Variants in APOL2 observed in about 807,000 individuals in gnomAD.
APOL2 encodes apolipoprotein L2, also known as apolipoprotein L, 2.
APOL2 carries 8 observed loss-of-function variants against 7.1 expected under a neutral mutation model. The observed-to-expected ratio is 1.12, with a 90% confidence interval of 0.66 to 2.03. APOL2 has a LOEUF of 2.03. Among genes scored for constraint, APOL2 ranks in the 30% most tolerant of loss-of-function variants. The pLI is 0.00. For synonymous variants in APOL2, 177 were observed against 159.9 expected, an observed-to-expected ratio of 1.11 and a Z score of -0.81; for missense variants, 471 against 415.1, an observed-to-expected ratio of 1.13 and a Z score of -1.17.
chr22:36,227,342 GT>G lies in APOL2; in HGVS notation c.*61del. 1 of 728,332 alleles carries G rather than the reference GT, an allele frequency of 1.4e-6. No homozygotes were observed. The highest frequency in any genetic ancestry group is 2.0e-6 in the Non-Finnish European group (1 of 488,334). The allele number at this position is 728,332 out of a possible 1,614,324, so 45.1% of individuals were successfully genotyped here. A position where few individuals can be genotyped will look rare whatever the true frequency, so the allele number is the denominator to read the frequency against. Reference sequence around the variant, plus strand: ...AAAAAAAAAAAAAAAAAAAAAAAAAGTCTGCATTTTGTCCTGGCCTGTGCCC... The same window carrying G: ...AAAAAAAAAAAAAAAAAAAAAAAAAGCTGCATTTTGTCCTGGCCTGTGCCC... On this transcript the variant is annotated 3_prime_UTR_variant, in exon 5 of 5. Transcript: ENST00000358502.
intron 1 of APOL2, chr22:36,239,071 T>C: frequency 9.0e-7 from 1 of 1,109,156 alleles, no homozygotes; most frequent in Non-Finnish European, 1.1e-6. Context: ...CCAGGTCACC[T>C]CCCCTCCTCC....
At chr22:36,233,273 A>C in intron 2 of APOL2, 32 bp from the exon 3 acceptor site, 1 of 1,612,228 alleles carries the variant, frequency 6.2e-7, no homozygotes, top group Non-Finnish European at 8.5e-7. Flanking sequence ...TGTGGGATCG[A>C]AGGTGAGCCT....
At chr22:36,233,848 G>A (rs575852607) in intron 1 of APOL2, among the ~76,000 whole-genome samples, 4 of 152,200 alleles carry the variant, frequency 2.6e-5, no homozygotes, top group South Asian at 4.2e-4. Flanking sequence ...ATGTATACAC[G>A]CTCATGGTAA....
At chr22:36,235,904 C>T (rs892368235) in intron 1 of APOL2, among the ~76,000 whole-genome samples, 5 of 152,050 alleles carry the variant, frequency 3.3e-5, no homozygotes, top group Non-Finnish European at 7.4e-5. Context: ...CACAGTGGGA[C>T]ATGCAGTAGG....
intron 2 of APOL2, 71 bp from the exon 3 acceptor site, chr22:36,233,312 TG>T: frequency 6.3e-7 from 1 of 1,598,540 alleles, no homozygotes; most frequent in Non-Finnish European, 8.5e-7. Flanking sequence ...CTGGAGGGGC[TG>T]GGTCTTTGCA....
upstream of APOL2, chr22:36,239,670 T>G (rs1408523274): frequency 6.3e-6 from 4 of 637,908 alleles, no homozygotes; most frequent in Non-Finnish European, 1.1e-5. Context: ...CCAGCCTCCT[T>G]GCTGCTGCAC....
Position 36,227,598 on chromosome 22 carries a change from T to A in APOL2, c.820A>T (p.Ile274Phe). 6.2e-7 allele frequency: 1 copy of A among 1,614,254 alleles called. No homozygotes were observed. Among genetic ancestry groups the A allele is most frequent in the Non-Finnish European group, 8.5e-7 (1 of 1,180,050 alleles). Reference protein sequence around the residue: ...PAQAMSRGTMIVGAATGGILL... With the variant: ...PAQAMSRGTMFVGAATGGILL... ...ATGCCTCCAGTGGCTGCACCCACGA[T>A]CATGGTTCCTCTGCTCATTGCCTGG... The change falls in exon 5 of 5, where the codon ATC (isoleucine) becomes TTC (phenylalanine). Residue 274 changes from isoleucine (I) to phenylalanine (F), a missense_variant. By Grantham distance (21) the Ile-to-Phe change is conservative (BLOSUM62 0). Transcript: ENST00000358502.
Position 36,239,250 on chromosome 22 carries a change from C to A in APOL2, c.-134+191G>T. Reference sequence around the variant, plus strand: ...CCCACCTCTCTCTACAGTTTACCCGCCCAGCAGGAGGGAGGGAGCAATCAG... The same window carrying A: ...CCCACCTCTCTCTACAGTTTACCCGACCAGCAGGAGGGAGGGAGCAATCAG... On this transcript the variant is annotated intron_variant, in intron 1 of 4. Transcript: ENST00000358502. The A allele has an allele frequency of 2.7e-6, 3 of 1,106,680 alleles. No individual in the cohort carries two copies. The South Asian group carries it at 7.5e-5, about 28-fold the overall frequency. The allele number at this position is 1,106,680 out of a possible 1,614,324, so 68.6% of individuals were successfully genotyped here.
intron 1 of APOL2, chr22:36,239,073 C>G: frequency 8.9e-7 from 1 of 1,118,978 alleles, no homozygotes; most frequent in Non-Finnish European, 1.1e-6. Context: ...AGGTCACCTC[C>G]CCTCCTCCAC....
intron 3 of APOL2, among the ~76,000 whole-genome samples, chr22:36,232,455 G>A (rs1438789338): frequency 3.9e-5 from 6 of 152,222 alleles, no homozygotes; most frequent in African/African-American, 1.4e-4. Context: ...GGAGATAGAG[G>A]GGATGCAAAC....
Position 36,227,862 on chromosome 22 carries a change from G to A in APOL2, c.556C>T (p.Gln186Ter). 1 of 1,614,180 alleles carries A rather than the reference G, an allele frequency of 6.2e-7. No homozygotes were observed. Among genetic ancestry groups the A allele is most frequent in the Non-Finnish European group, 8.5e-7 (1 of 1,180,040 alleles). The change falls in exon 5 of 5, where the codon CAA (glutamine) becomes TAA (stop). Residue 186 changes from glutamine (Q) to a stop codon, truncating the protein, a stop_gained. Transcript: ENST00000358502. LOFTEE classifies it low-confidence loss of function (END_TRUNC). ...RARAQARNLD[Q>*]SGTNVAKVMK... The stretch of plus-strand genomic sequence containing the variant: ...ACCTTTGCTACATTGGTGCCGCTTT[G>A]GTCCAAGTTGCGGGCTTGGGCTCGT...
At position 36,239,455 on chromosome 22, in the gene APOL2, C is replaced by G. The variant is rs779552716; in HGVS notation, c.-148G>C. On this transcript the variant is annotated 5_prime_UTR_variant, in exon 1 of 5. Coordinates refer to ENST00000358502, the MANE Select transcript of APOL2 (RefSeq NM_030882.4). ...CCCCAACTTACCAAGGGATCTTCCT[C>G]TGACAGAGACTGAGCAAGATCCAAC... 2 of 1,529,484 alleles carry G rather than the reference C, an allele frequency of 1.3e-6. No individual in the cohort carries two copies. The highest frequency in any genetic ancestry group is 2.1e-5 in the African/African-American group (1 of 47,672). 94.7% of individuals were successfully genotyped at this position (1,529,484 alleles called of 1,614,324 possible). A position where few individuals can be genotyped will look rare whatever the true frequency, so the allele number is the denominator to read the frequency against.
chr22:36,230,525 G>T (rs1178004889), intron 4 of APOL2, among the ~76,000 whole-genome samples: 1 of 152,062 alleles, frequency 6.6e-6, no homozygotes, highest in Non-Finnish European at 1.5e-5. Context: ...CAGCCTTCCT[G>T]CTTGTCCTAC....
chr22:36,234,248 T>C (rs937502645), intron 1 of APOL2: 1 of 152,276 alleles, frequency 6.6e-6, no homozygotes, highest in Non-Finnish European at 1.5e-5. Context: ...AGAGCCACTC[T>C]GTATGAAAAC....
At chr22:36,230,263 T>C (rs1417969237) in intron 4 of APOL2, among the ~76,000 whole-genome samples, 1 of 152,138 alleles carries the variant, frequency 6.6e-6, no homozygotes, top group Non-Finnish European at 1.5e-5. Context: ...CACTAAGGCA[T>C]GCCATGGTAA....
At chr22:36,237,068 A>G (rs1317282534) in intron 1 of APOL2, 15 of 1,524,204 alleles carry the variant, frequency 9.8e-6, no homozygotes, top group East Asian at 2.5e-5. Flanking sequence ...GACCTGCCCA[A>G]TACTTGTGAG....
intron 1 of APOL2, chr22:36,237,063 G>A: frequency 1.3e-6 from 2 of 1,519,848 alleles, no homozygotes; most frequent in East Asian, 5.1e-5. Flanking sequence ...CCTCGGACCT[G>A]CCCAATACTT....
At chr22:36,233,553 A>G in intron 1 of APOL2, 98 bp from the exon 2 acceptor site, 1 of 1,105,652 alleles carries the variant, frequency 9.0e-7, no homozygotes, top group Non-Finnish European at 1.3e-6. Context: ...ATGGGAGGGA[A>G]CATTCTGACA....
chr22:36,227,811 T>A lies in APOL2; in HGVS notation c.607A>T (p.Thr203Ser), dbSNP rs570763468. 15 of 1,614,216 alleles carry A rather than the reference T, an allele frequency of 9.3e-6. No homozygotes were observed. In the South Asian group the frequency reaches 1.6e-4, roughly 18 times the overall value. Residue 203 changes from threonine to serine, a missense_variant, in exon 5 of 5, where the codon ACA (threonine) becomes TCA (serine). By Grantham distance (58) the Thr-to-Ser change is moderately conservative (BLOSUM62 1). Transcript: ENST00000358502. ...TCAACTAAGGTAAGAACATTGGGTG[T>A]GTTCCCACCCACAAACTCCTTCATC... ...KVMKEFVGGN[T>S]PNVLTLVDNW...
Sources: allele counts gnomAD v4.1 joint callset (sites outside exome capture counted in the v4.1 genomes callset), GRCh38; gene constraint gnomAD v4.1.1; transcripts MANE v1.5; gene names NCBI Gene and HGNC (gene_info 2026-07-23, HGNC 2026-07-21).